Variants in SLC7A1 observed in about 807,000 individuals in gnomAD.
SLC7A1 encodes the protein solute carrier family 7 member 1.
SLC7A1 carries 10 observed loss-of-function variants against 53.9 expected under a neutral mutation model. That is an observed-to-expected ratio of 0.19 (90% confidence interval 0.11 to 0.31). The LOEUF (loss-of-function observed/expected upper bound fraction) is 0.31. Among genes scored for constraint, SLC7A1 ranks in the 10% least tolerant of loss-of-function variants. The probability of loss-of-function intolerance (pLI) is 1.00; values close to 1 mark genes in which losing one functional copy is unlikely to be tolerated. For missense variants in SLC7A1, 525 were observed against 827.2 expected, an observed-to-expected ratio of 0.63 and a Z score of 4.48; for synonymous variants, 342 against 338.7, an observed-to-expected ratio of 1.01 and a Z score of -0.11.
intron 1 of SLC7A1, among the ~76,000 whole-genome samples, chr13:29,588,402 G>T (rs1325599114): frequency 1.3e-5 from 2 of 152,146 alleles, no homozygotes; most frequent in Non-Finnish European, 2.9e-5. Flanking sequence ...GAGTTTGTGT[G>T]GGGTGGAGAG....
intron 5 of SLC7A1, among the ~76,000 whole-genome samples, chr13:29,524,829 G>A (rs1174541486): frequency 6.6e-6 from 1 of 152,242 alleles, no homozygotes; most frequent in Non-Finnish European, 1.5e-5. Context: ...ACTGGCCCAC[G>A]GGAGGGGCTC....
chr13:29,586,096 G>T (rs1871874041), intron 1 of SLC7A1, among the ~76,000 whole-genome samples: 2 of 152,190 alleles, frequency 1.3e-5, no homozygotes, highest in Admixed American at 1.3e-4. Flanking sequence ...CTGATACTCT[G>T]ATTTCAGTAG....
intron 6 of SLC7A1, among the ~76,000 whole-genome samples, chr13:29,523,758 T>C (rs557834501): frequency 6.6e-6 from 1 of 152,184 alleles, no homozygotes; most frequent in Non-Finnish European, 1.5e-5. Flanking sequence ...CTTGTTTCCT[T>C]TGGCAGAGAA....
chr13:29,522,596 G>A (rs920089328), intron 7 of SLC7A1, 140 bp from the exon 8 acceptor site: 1 of 774,124 alleles, frequency 1.3e-6, no homozygotes, highest in South Asian at 1.8e-5. Context: ...GCTGGGTGAG[G>A]CCTGTGGCTA....
chr13:29,538,673 A>G (rs956236729), intron 2 of SLC7A1, among the ~76,000 whole-genome samples: 2 of 152,258 alleles, frequency 1.3e-5, no homozygotes, highest in East Asian at 3.8e-4. Context: ...GGAATTAGCC[A>G]GATTTATTCA....
rs1398263497 is a variant in SLC7A1 at position 29,563,290 on chromosome 13, A to G, written c.-114-9430T>C. Among the ~76,000 whole-genome samples the G allele has an allele frequency of 2.0e-5, 3 of 152,272 alleles. No homozygotes were observed. In the South Asian group the frequency reaches 6.2e-4, roughly 32 times the overall value. ...TTCCCTCAACAAAGAATGATCCATGATGTGCCAAGGTAGAGAAAGCCTGCC... is the reference window on the plus strand; with the variant it reads ...TTCCCTCAACAAAGAATGATCCATGGTGTGCCAAGGTAGAGAAAGCCTGCC... On this transcript the variant is annotated intron_variant, in intron 1 of 12. Coordinates refer to ENST00000380752, the MANE Select transcript of SLC7A1 (RefSeq NM_003045.5).
intron 1 of SLC7A1, among the ~76,000 whole-genome samples, chr13:29,581,800 C>T (rs566296415): frequency 9.2e-5 from 14 of 152,312 alleles, no homozygotes; most frequent in African/African-American, 2.9e-4. Context: ...CTGAGGATGA[C>T]GAACAAGTAG....
rs193294034 is a variant in SLC7A1 at position 29,524,284 on chromosome 13, G to A, written c.705-31C>T. The stretch of plus-strand genomic sequence containing the variant: ...AAAAAGAGCCGCAAACAAATGTCAC[G>A]TCACTCGCTGCGCAGTCTGGCGTAA... On this transcript the variant is annotated intron_variant, in intron 5 of 12. Transcript: ENST00000380752. 3.0e-5 allele frequency: 48 copies of A among 1,613,706 alleles called. No individual in the cohort carries two copies. In the East Asian group the frequency reaches 6.7e-4, roughly 22 times the overall value.
At position 29,517,258 on chromosome 13, in the gene SLC7A1, G is replaced by A. The variant is rs1049053939; in HGVS notation, c.1563C>T (p.Leu521=). Residue 521 remains leucine, a synonymous_variant, in exon 11 of 13, where the codon CTC becomes CTT. Transcript: ENST00000380752. ...CIVTVLGREA[L]TKGALWAVFL... ...AGACTGCCCACAGCGCCCCTTTGGTGAGAGCCTCCCTTCCAAGCACGGTCA... is the reference window on the plus strand; with the variant it reads ...AGACTGCCCACAGCGCCCCTTTGGTAAGAGCCTCCCTTCCAAGCACGGTCA... 2.5e-6 allele frequency: 4 copies of A among 1,613,314 alleles called. No individual in the cohort carries two copies. Among genetic ancestry groups the A allele is most frequent in the African/African-American group, 2.7e-5 (2 of 74,936 alleles).
At chr13:29,521,152 A>T (rs555212677) in intron 8 of SLC7A1, among the ~76,000 whole-genome samples, 2 of 152,240 alleles carry the variant, frequency 1.3e-5, no homozygotes, top group African/African-American at 4.8e-5. Context: ...CAATCTGACC[A>T]CTGTGGTCAC....
rs1303447455 is a variant in SLC7A1 at position 29,511,958 on chromosome 13, G to A, written c.*2522C>T. ...TGTTTGGGCAAGGGAACTAAGAGATGTGAAACTATCATTTTTTTTTTGCTT... is the reference window on the plus strand; with the variant it reads ...TGTTTGGGCAAGGGAACTAAGAGATATGAAACTATCATTTTTTTTTTGCTT... On this transcript the variant is annotated 3_prime_UTR_variant, in exon 13 of 13. Transcript: ENST00000380752. The A allele has an allele frequency of 7.6e-6, 1 of 131,916 alleles. No individual in the cohort carries two copies. Among genetic ancestry groups the A allele is most frequent in the Non-Finnish European group, 1.6e-5 (1 of 63,834 alleles). 8.2% of individuals were successfully genotyped at this position (131,916 alleles called of 1,614,324 possible).
chr13:29,513,581 T>C lies in SLC7A1; in HGVS notation c.*899A>G, dbSNP rs1045792446. On this transcript the variant is annotated 3_prime_UTR_variant, in exon 13 of 13. Transcript: ENST00000380752. ...TGGGAGGGCAAGACTGAGTGAACGGTGGCGACTCACAGGAAACAGACTTCT... is the reference window on the plus strand; with the variant it reads ...TGGGAGGGCAAGACTGAGTGAACGGCGGCGACTCACAGGAAACAGACTTCT... 6 of 152,740 alleles carry C rather than the reference T, an allele frequency of 3.9e-5. No individual in the cohort carries two copies. Among genetic ancestry groups the C allele is most frequent in the South Asian group, 2.1e-4 (1 of 4,830 alleles). The allele number at this position is 152,740 out of a possible 1,614,324, so 9.5% of individuals were successfully genotyped here. A position where few individuals can be genotyped will look rare whatever the true frequency, so the allele number is the denominator to read the frequency against.
intron 3 of SLC7A1, 150 bp from the exon 4 acceptor site, chr13:29,533,132 G>T: frequency 2.7e-6 from 2 of 751,646 alleles, no homozygotes; most frequent in Non-Finnish European, 4.1e-6. Context: ...TGTATGCTGA[G>T]CCAGAAGTGA....
chr13:29,568,319 C>G (rs973877435), intron 1 of SLC7A1, among the ~76,000 whole-genome samples: 5 of 152,038 alleles, frequency 3.3e-5, no homozygotes, highest in African/African-American at 7.2e-5. Context: ...ATAATTTAGG[C>G]AAATTTTTAA....
chr13:29,525,521 A>G (rs553186778), intron 5 of SLC7A1, among the ~76,000 whole-genome samples: 9 of 152,348 alleles, frequency 5.9e-5, no homozygotes, highest in African/African-American at 1.2e-4. Flanking sequence ...TTTGCTTTCA[A>G]TGGGATTTAC....
intron 3 of SLC7A1, 44 bp from the exon 4 acceptor site, chr13:29,533,026 TTA>T (rs763960043): frequency 6.4e-7 from 1 of 1,562,556 alleles, no homozygotes; most frequent in Non-Finnish European, 8.7e-7. Context: ...AGGACAACTG[TTA>T]GCCAGGTATT....
intron 4 of SLC7A1, 57 bp from the exon 5 acceptor site, chr13:29,530,769 G>C: frequency 6.8e-7 from 1 of 1,474,030 alleles, no homozygotes; most frequent in South Asian, 1.2e-5. Context: ...AACTGGGAAG[G>C]TCCTTCCTGG....
In SLC7A1 at chr13:29,578,329, T is replaced by A. The variant is rs549300276; in HGVS notation, c.-115+17087A>T. ...TGCAAATCGAACTCTTTGCCATCCT[T>A]TGTCCTACTGCAAACCTTACGTGAA... is the stretch of plus-strand genomic sequence containing the variant. On this transcript the variant is annotated intron_variant, in intron 1 of 12. Coordinates refer to ENST00000380752, the MANE Select transcript of SLC7A1 (RefSeq NM_003045.5). Among the ~76,000 whole-genome samples, 9 of 152,278 alleles carry A rather than the reference T, an allele frequency of 5.9e-5. No homozygotes were observed. In the South Asian group the frequency reaches 1.7e-3, roughly 28 times the overall value.
At chr13:29,518,900 G>A (rs1046380842) in intron 9 of SLC7A1, among the ~76,000 whole-genome samples, 2 of 151,696 alleles carry the variant, frequency 1.3e-5, no homozygotes, top group African/African-American at 2.4e-5. Context: ...GCTTTACTGT[G>A]ACTGGGAGAG....
Sources: allele counts gnomAD v4.1 joint callset (sites outside exome capture counted in the v4.1 genomes callset), GRCh38; gene constraint gnomAD v4.1.1; transcripts MANE v1.5; gene names NCBI Gene and HGNC (gene_info 2026-07-23, HGNC 2026-07-21).